Variants in FRK observed in about 807,000 individuals in gnomAD.
FRK encodes the protein fyn related Src family tyrosine kinase, also known as tyrosine-protein kinase FRK.
A neutral mutation model predicts 56.4 loss-of-function variants in FRK; 51 were observed. That is an observed-to-expected ratio of 0.90 (90% CI 0.72 to 1.14). FRK has a LOEUF of 1.14. Among genes scored for constraint, FRK ranks in the 50% most tolerant of loss-of-function variants. The probability of loss-of-function intolerance (pLI) is 0.00; values close to 1 mark genes in which losing one functional copy is unlikely to be tolerated. For synonymous variants in FRK, 245 were observed against 217.9 expected, an observed-to-expected ratio of 1.12 and a Z score of -1.10; for missense variants, 570 against 601.4, an observed-to-expected ratio of 0.95 and a Z score of 0.55.
At chr6:115,983,528 A>G (rs1774285134) in intron 2 of FRK, among the ~76,000 whole-genome samples, 1 of 152,034 alleles carries the variant, frequency 6.6e-6, no homozygotes, top group African/African-American at 2.4e-5. Context: ...CCATGACTCT[A>G]TTTTCCTCAG....
chr6:116,088,227 C>CA, the FRK span, among the ~76,000 whole-genome samples: 3 of 152,226 alleles, frequency 2.0e-5, no homozygotes, highest in African/African-American at 7.2e-5. Context: ...CACCTGCAGC[C>CA]AAGTCCTTGT....
At chr6:115,944,462 A>G (rs1481214264) in intron 5 of FRK, 37 bp from the exon 6 acceptor site, 4 of 1,513,418 alleles carry the variant, frequency 2.6e-6, no homozygotes, top group Non-Finnish European at 3.6e-6. Flanking sequence ...GTTACCTTAG[A>G]GAACATTTGA....
At chr6:116,058,321 T>C (rs149029023) in intron 1 of FRK, among the ~76,000 whole-genome samples, 5 of 152,340 alleles carry the variant, frequency 3.3e-5, no homozygotes, top group Admixed American at 3.3e-4. Context: ...TGATAACTGA[T>C]CAATTCCATT....
intron 1 of FRK, among the ~76,000 whole-genome samples, chr6:116,015,207 A>G (rs1444697001): frequency 6.6e-6 from 1 of 152,178 alleles, no homozygotes; most frequent in Admixed American, 6.6e-5. Flanking sequence ...TGACTGGATC[A>G]TGAGGGTGTT....
At chr6:115,957,033 G>C (rs1471745353) in intron 4 of FRK, among the ~76,000 whole-genome samples, 3 of 152,174 alleles carry the variant, frequency 2.0e-5, no homozygotes, top group Admixed American at 6.6e-5. Context: ...TGTGGGAACA[G>C]CTGGACAAAA....
At chr6:115,972,700 TA>T (rs1773854105) in intron 2 of FRK, among the ~76,000 whole-genome samples, 2 of 152,344 alleles carry the variant, frequency 1.3e-5, no homozygotes, top group African/African-American at 4.8e-5. Context: ...TGTGTCTTAA[TA>T]ACCTCAATCA....
chr6:115,975,006 T>G (rs2114620422), intron 2 of FRK, among the ~76,000 whole-genome samples: 1 of 152,276 alleles, frequency 6.6e-6, no homozygotes, highest in African/African-American at 2.4e-5. Flanking sequence ...ATCTACTAAA[T>G]GAATGAATGA....
chr6:115,953,481 G>A (rs1271516662), intron 5 of FRK, among the ~76,000 whole-genome samples: 1 of 152,110 alleles, frequency 6.6e-6, no homozygotes, highest in East Asian at 1.9e-4. Flanking sequence ...GAGCCACCGC[G>A]CCCGGCCCAA....
At chr6:115,982,568 C>T (rs1397705831) in intron 2 of FRK, among the ~76,000 whole-genome samples, 2 of 152,110 alleles carry the variant, frequency 1.3e-5, no homozygotes, top group African/African-American at 4.8e-5. Context: ...CAAACCACCC[C>T]TTAGTTACAG....
intron 1 of FRK, among the ~76,000 whole-genome samples, chr6:116,052,822 G>A (rs1436752074): frequency 6.6e-6 from 1 of 152,160 alleles, no homozygotes; most frequent in Non-Finnish European, 1.5e-5. Flanking sequence ...TACAGGGAAA[G>A]AATATTGTGA....
At chr6:116,026,628 T>C (rs1776104758) in intron 1 of FRK, among the ~76,000 whole-genome samples, 1 of 151,896 alleles carries the variant, frequency 6.6e-6, no homozygotes, top group Non-Finnish European at 1.5e-5. Context: ...TTTTGTTTTT[T>C]TTTTAACTGA....
intron 5 of FRK, among the ~76,000 whole-genome samples, chr6:115,948,962 ATACT>A (rs1427905381): frequency 6.6e-5 from 10 of 152,130 alleles, no homozygotes; most frequent in African/African-American, 9.7e-5. Context: ...AGGACTAATA[ATACT>A]TACCTCATAA....
At chr6:116,005,968 A>G (rs1775233295) in intron 1 of FRK, among the ~76,000 whole-genome samples, 1 of 152,188 alleles carries the variant, frequency 6.6e-6, no homozygotes. Context: ...AGTTTTCTTT[A>G]GCAAGACAAA....
chr6:115,951,566 A>G (rs1366763829), intron 5 of FRK, among the ~76,000 whole-genome samples: 3 of 151,810 alleles, frequency 2.0e-5, no homozygotes, highest in Non-Finnish European at 2.9e-5. Flanking sequence ...TCAATACTAA[A>G]GTTTTTTTAC....
chr6:116,038,190 T>A (rs1380320310), intron 1 of FRK, among the ~76,000 whole-genome samples: 5 of 152,206 alleles, frequency 3.3e-5, no homozygotes, highest in Non-Finnish European at 5.9e-5. Flanking sequence ...AAACAGCCTG[T>A]CATGTTTGGT....
rs1451057949 is a variant in FRK at position 115,932,408 on chromosome 6, A to C, written c.*10006T>G. On this transcript the variant is annotated 3_prime_UTR_variant, in exon 8 of 8. Coordinates refer to ENST00000606080, the MANE Select transcript of FRK (RefSeq NM_002031.3). ...CATCATGTTGAAGATTATAGACTGA[A>C]TCTTCTACATAATAATTCCAGAAAA... The C allele has an allele frequency of 3.9e-5, 6 of 152,216 alleles. No homozygotes were observed. The highest frequency in any genetic ancestry group is 1.2e-4 in the African/African-American group (5 of 41,470). 9.4% of individuals were successfully genotyped at this position (152,216 alleles called of 1,614,324 possible). A position where few individuals can be genotyped will look rare whatever the true frequency, so the allele number is the denominator to read the frequency against.
At position 115,942,593 on chromosome 6, in the gene FRK, C is replaced by G; in HGVS notation, c.1339G>C (p.Ala447Pro). The change falls in exon 8 of 8, where the codon GCT becomes CCT. Residue 447 changes from alanine (A) to proline (P), a missense_variant. Ala to Pro is a conservative substitution (Grantham distance 27, BLOSUM62 -1). Transcript: ENST00000606080. ...MTGAQVIQML[A>P]QNYRLPQPSN... Reference sequence around the variant, plus strand: ...GGTTGCGGAAGTCTATAGTTTTGAGCCAACATCTGGATTACCTGGGCACCT... The same window carrying G: ...GGTTGCGGAAGTCTATAGTTTTGAGGCAACATCTGGATTACCTGGGCACCT... 3 of 1,613,630 alleles carry G rather than the reference C, an allele frequency of 1.9e-6. No homozygotes were observed. Among genetic ancestry groups the G allele is most frequent in the Non-Finnish European group, 2.5e-6 (3 of 1,179,714 alleles).
chr6:115,942,703 T>C (rs2114507827), intron 7 of FRK, 78 bp from the exon 8 acceptor site: 2 of 1,175,276 alleles, frequency 1.7e-6, no homozygotes, highest in East Asian at 2.4e-5. Context: ...TAGCCATTTA[T>C]ACTCTAGGTT....
intron 2 of FRK, among the ~76,000 whole-genome samples, chr6:115,971,668 A>C (rs533365747): frequency 1.1e-3 from 165 of 152,312 alleles, no homozygotes; most frequent in African/African-American, 3.8e-3. Context: ...ACTTCCACTT[A>C]AAATCACAAA....
Sources: allele counts gnomAD v4.1 joint callset (sites outside exome capture counted in the v4.1 genomes callset), GRCh38; gene constraint gnomAD v4.1.1; transcripts MANE v1.5; gene names NCBI Gene and HGNC (gene_info 2026-07-23, HGNC 2026-07-21).